ANTXR1: variants seen among roughly 807,000 people sequenced by gnomAD.
ANTXR1 encodes the protein ANTXR cell adhesion molecule 1.
A neutral mutation model predicts 78.1 loss-of-function variants in ANTXR1; 19 were observed. The ratio of observed to expected loss-of-function variants is 0.24; its 90% confidence interval spans 0.17 to 0.36. ANTXR1 has a LOEUF of 0.36. Among genes scored for constraint, ANTXR1 ranks in the 10% least tolerant of loss-of-function variants. The pLI, the probability that ANTXR1 is intolerant of heterozygous loss-of-function variation, is 1.00. For missense variants in ANTXR1, 518 were observed against 718.6 expected, an observed-to-expected ratio of 0.72 and a Z score of 3.19; for synonymous variants, 273 against 260.5, an observed-to-expected ratio of 1.05 and a Z score of -0.46.
chr2:69,044,602 C>A, intron 2 of ANTXR1, 140 bp from the exon 3 acceptor site: 1 of 834,492 alleles, frequency 1.2e-6, no homozygotes, highest in Non-Finnish European at 2.1e-6. Flanking sequence ...CCCGCAGCAC[C>A]AGCCTAGGAG....
At chr2:69,136,242 C>A (rs780970562) in intron 12 of ANTXR1, among the ~76,000 whole-genome samples, 7 of 152,138 alleles carry the variant, frequency 4.6e-5, no homozygotes, top group Non-Finnish European at 8.8e-5. Context: ...CCACTGCCCA[C>A]CCCCATTCAC....
chr2:69,184,301 G>A (rs2104465868), intron 16 of ANTXR1, among the ~76,000 whole-genome samples: 1 of 152,314 alleles, frequency 6.6e-6, no homozygotes, highest in South Asian at 2.1e-4. Context: ...TTGAAGCAGT[G>A]AGATTCTTTT....
At chr2:69,036,159 C>T (rs1406832924) in intron 1 of ANTXR1, among the ~76,000 whole-genome samples, 2 of 152,192 alleles carry the variant, frequency 1.3e-5, no homozygotes, top group East Asian at 3.9e-4. Flanking sequence ...TTTCCCAATT[C>T]TAATTCAAGT....
intron 17 of ANTXR1, among the ~76,000 whole-genome samples, chr2:69,242,737 A>T (rs942397670): frequency 2.6e-5 from 4 of 152,246 alleles, no homozygotes; most frequent in African/African-American, 9.6e-5. Flanking sequence ...AGTAAATCCC[A>T]GCTCTAAATT....
intron 3 of ANTXR1, among the ~76,000 whole-genome samples, chr2:69,056,736 C>T (rs953133479): frequency 3.3e-5 from 5 of 152,044 alleles, no homozygotes; most frequent in African/African-American, 7.2e-5. Flanking sequence ...GGGCAGTGTG[C>T]GATCTTGGCT....
intron 13 of ANTXR1, among the ~76,000 whole-genome samples, chr2:69,156,114 A>G (rs991883853): frequency 1.3e-5 from 2 of 152,114 alleles, no homozygotes; most frequent in Non-Finnish European, 2.9e-5. Context: ...CACATTTATG[A>G]GGGCTTCAGC....
At chr2:69,118,974 G>A (rs536131885) in intron 10 of ANTXR1, among the ~76,000 whole-genome samples, 25 of 152,224 alleles carry the variant, frequency 1.6e-4, no homozygotes, top group African/African-American at 4.6e-4. Context: ...TGATACACTC[G>A]GATGGAGGAA....
intron 12 of ANTXR1, among the ~76,000 whole-genome samples, chr2:69,151,176 TGATTA>T (rs1225926924): frequency 6.7e-6 from 1 of 149,888 alleles, no homozygotes; most frequent in Non-Finnish European, 1.5e-5. Flanking sequence ...CAAACATATC[TGATTA>T]TTTTCTTTTT....
chr2:69,192,558 G>T (rs1674566919), intron 16 of ANTXR1, among the ~76,000 whole-genome samples: 1 of 152,114 alleles, frequency 6.6e-6, no homozygotes, highest in African/African-American at 2.4e-5. Context: ...GATAGTCCAG[G>T]ATACTCTCCC....
chr2:69,181,711 A>ATT (rs1431116248), intron 14 of ANTXR1, 75 bp from the exon 15 acceptor site: 2 of 1,386,008 alleles, frequency 1.4e-6, no homozygotes, highest in Admixed American at 3.4e-5. Flanking sequence ...TCTACTCCTA[A>ATT]TCACTTGGCT....
At chr2:69,163,797 G>A (rs1311931241) in intron 13 of ANTXR1, among the ~76,000 whole-genome samples, 1 of 152,192 alleles carries the variant, frequency 6.6e-6, no homozygotes, top group Non-Finnish European at 1.5e-5. Context: ...ACTGGTGGCT[G>A]GGCAGCATTT....
At chr2:69,056,613 A>G (rs893975683) in intron 3 of ANTXR1, among the ~76,000 whole-genome samples, 3 of 152,208 alleles carry the variant, frequency 2.0e-5, no homozygotes, top group African/African-American at 7.2e-5. Context: ...TTATCATTTC[A>G]ATGGATATTG....
intron 3 of ANTXR1, among the ~76,000 whole-genome samples, chr2:69,064,898 T>A (rs1274803020): frequency 6.6e-6 from 1 of 152,078 alleles, no homozygotes; most frequent in Admixed American, 6.5e-5. Flanking sequence ...CTAGGGTAAA[T>A]GTATAGCTTT....
chr2:69,216,956 A>T (rs558678137), intron 17 of ANTXR1, among the ~76,000 whole-genome samples: 74 of 152,318 alleles, frequency 4.9e-4, no homozygotes, highest in African/African-American at 1.7e-3. Flanking sequence ...ATTGCAGTTA[A>T]ATATCCCACA....
chr2:69,037,528 G>T (rs1669477939), intron 1 of ANTXR1, among the ~76,000 whole-genome samples: 1 of 152,096 alleles, frequency 6.6e-6, no homozygotes, highest in South Asian at 2.1e-4. Context: ...GGAGTGCAAG[G>T]GTGCAATCTC....
At chr2:69,090,953 C>G in intron 9 of ANTXR1, 34 bp downstream of exon 9, 1 of 1,600,696 alleles carries the variant, frequency 6.2e-7, no homozygotes, top group Non-Finnish European at 8.5e-7. Context: ...TGCTTTCATA[C>G]AATTGATGAT....
At chr2:69,053,104 T>C (rs192078573) in intron 3 of ANTXR1, among the ~76,000 whole-genome samples, 2 of 152,298 alleles carry the variant, frequency 1.3e-5, no homozygotes, top group Admixed American at 6.5e-5. Context: ...AAGGGGGATA[T>C]TTTCTCAAAT....
At chr2:69,121,604 T>C (rs1469053594) in intron 10 of ANTXR1, among the ~76,000 whole-genome samples, 1 of 152,224 alleles carries the variant, frequency 6.6e-6, no homozygotes, top group Non-Finnish European at 1.5e-5. Flanking sequence ...CAGTCATGAC[T>C]TGCAGATATC....
intron 9 of ANTXR1, among the ~76,000 whole-genome samples, chr2:69,093,396 A>G (rs1451372429): frequency 6.6e-6 from 1 of 152,234 alleles, no homozygotes; most frequent in Non-Finnish European, 1.5e-5. Flanking sequence ...TAGACAATGG[A>G]AAATTGCCTT....
Sources: gnomAD v4.1 joint callset for allele counts (sites outside exome capture counted in the v4.1 genomes callset) on GRCh38, gnomAD v4.1.1 for gene constraint, MANE v1.5 for transcripts, NCBI Gene and HGNC (gene_info 2026-07-23, HGNC 2026-07-21) for gene names.